ITSN1: variants seen among roughly 807,000 people sequenced by gnomAD.
The protein encoded by ITSN1 is intersectin-1.
A neutral mutation model predicts 239.8 loss-of-function variants in ITSN1; 58 were observed. That is an observed-to-expected ratio of 0.24 (90% CI 0.20 to 0.30). The LOEUF (loss-of-function observed/expected upper bound fraction) is 0.30. Among genes scored for constraint, ITSN1 ranks in the 10% least tolerant of loss-of-function variants. The pLI, the probability that ITSN1 is intolerant of heterozygous loss-of-function variation, is 1.00. For synonymous variants in ITSN1, 780 were observed against 770.8 expected (o/e 1.01, Z -0.20); for missense variants, 1,558 against 2,103.3 (o/e 0.74, Z 5.07).
At chr21:33,781,581 T>C (rs1406604450) in intron 15 of ITSN1, 33 bp downstream of exon 15, 9 of 1,237,796 alleles carry the variant, frequency 7.3e-6, no homozygotes, top group Non-Finnish European at 1.0e-5. Flanking sequence ...TGACCTTTTC[T>C]TTATTCTTTC....
chr21:33,670,658 G>A (rs1184617415), intron 1 of ITSN1, among the ~76,000 whole-genome samples: 4 of 152,108 alleles, frequency 2.6e-5, no homozygotes, highest in Non-Finnish European at 4.4e-5. Context: ...CTCTCTTTTT[G>A]TAGTAAGTCT....
intron 27 of ITSN1, among the ~76,000 whole-genome samples, chr21:33,833,550 T>C (rs1231011592): frequency 6.6e-6 from 1 of 152,206 alleles, no homozygotes; most frequent in Non-Finnish European, 1.5e-5. Flanking sequence ...TGTGCATAAA[T>C]GCACAGGGCC....
intron 1 of ITSN1, among the ~76,000 whole-genome samples, chr21:33,647,878 C>T (rs2088123919): frequency 6.6e-6 from 1 of 152,236 alleles, no homozygotes; most frequent in South Asian, 2.1e-4. Flanking sequence ...TATAACCCTG[C>T]AGTGACTGTC....
intron 7 of ITSN1, 86 bp downstream of exon 7, chr21:33,751,992 C>T (rs1040788162): frequency 1.1e-6 from 1 of 896,926 alleles, no homozygotes; most frequent in Non-Finnish European, 1.8e-6. Context: ...CATCTATATT[C>T]TTTTTGTTGT....
intron 29 of ITSN1, among the ~76,000 whole-genome samples, chr21:33,848,760 C>G (rs182265168): frequency 5.9e-4 from 90 of 152,336 alleles, no homozygotes; most frequent in African/African-American, 1.9e-3. Flanking sequence ...TGCACCTGCC[C>G]CCAGGGCTCC....
chr21:33,881,378 G>T (rs910906475), intron 34 of ITSN1, among the ~76,000 whole-genome samples: 6 of 144,932 alleles, frequency 4.1e-5, no homozygotes, highest in African/African-American at 1.6e-4. Flanking sequence ...CTGCACTCCA[G>T]CCTGGGCGAC....
At chr21:33,847,689 T>C (rs1402099202) in intron 29 of ITSN1, among the ~76,000 whole-genome samples, 1 of 152,162 alleles carries the variant, frequency 6.6e-6, no homozygotes, top group Admixed American at 6.5e-5. Context: ...GATGGCGTTC[T>C]GTGGTTACAG....
chr21:33,719,101 A>G (rs1362255353), intron 2 of ITSN1, among the ~76,000 whole-genome samples: 2 of 152,178 alleles, frequency 1.3e-5, no homozygotes, highest in Admixed American at 6.5e-5. Context: ...AAGATAAGAA[A>G]ACGTTTAAAG....
Position 33,659,705 on chromosome 21 carries a change from C to CTTT in ITSN1, c.-33+17015_-33+17017dup, listed in dbSNP as rs71194859. ...TCATGGACTAAGTCAGCAGCCTGTACTTTTTTTTTTTTTTTTTTTTTTTTT... is the reference window on the plus strand; with the variant it reads ...TCATGGACTAAGTCAGCAGCCTGTACTTTTTTTTTTTTTTTTTTTTTTTTTTTT... On this transcript the variant is annotated intron_variant, in intron 1 of 39. Transcript: ENST00000381318. 8.2e-3 allele frequency among the ~76,000 whole-genome samples: 625 copies of CTTT among 76,544 alleles called. 20 individuals carry two copies. The highest frequency in any genetic ancestry group is 0.039 in the Middle Eastern group (3 of 76). 50.2% of individuals were successfully genotyped at this position (76,544 alleles called of 152,430 possible).
chr21:33,753,320 C>T (rs1237419657), intron 7 of ITSN1, among the ~76,000 whole-genome samples: 2 of 152,200 alleles, frequency 1.3e-5, no homozygotes, highest in African/African-American at 4.8e-5. Flanking sequence ...TATTCAACCC[C>T]ATAGCTACCT....
intron 34 of ITSN1, among the ~76,000 whole-genome samples, chr21:33,881,727 T>A (rs1306066143): frequency 3.9e-5 from 6 of 152,030 alleles, no homozygotes; most frequent in African/African-American, 1.4e-4. Context: ...ACACCTGTAA[T>A]CCCAGTATTT....
At chr21:33,813,607 C>T (rs1286494771) in intron 21 of ITSN1, among the ~76,000 whole-genome samples, 1 of 152,134 alleles carries the variant, frequency 6.6e-6, no homozygotes, top group Non-Finnish European at 1.5e-5. Context: ...GCCACCTCGG[C>T]CTCCCACAGT....
intron 3 of ITSN1, chr21:33,721,953 G>T (rs1408355704): frequency 1.3e-5 from 2 of 149,348 alleles, no homozygotes; most frequent in Non-Finnish European, 3.0e-5. Flanking sequence ...TGTTACCCAG[G>T]CTGGAGTACA....
intron 1 of ITSN1, among the ~76,000 whole-genome samples, chr21:33,646,056 G>A (rs1215300988): frequency 3.3e-5 from 5 of 152,166 alleles, no homozygotes; most frequent in Admixed American, 2.6e-4. Flanking sequence ...ACATTGCAGC[G>A]AGGCCAATCT....
At chr21:33,655,603 TGGTA>T (rs2088985727) in intron 1 of ITSN1, among the ~76,000 whole-genome samples, 6 of 149,430 alleles carry the variant, frequency 4.0e-5, no homozygotes, top group Non-Finnish European at 7.4e-5. Flanking sequence ...TTTTTTTTTT[TGGTA>T]TTTTTAGTAG....
chr21:33,835,805 C>T (rs2074567002), intron 28 of ITSN1, among the ~76,000 whole-genome samples: 1 of 152,124 alleles, frequency 6.6e-6, no homozygotes. Flanking sequence ...GTGGTGCATG[C>T]CTGTAATCCC....
chr21:33,836,416 G>A lies in ITSN1; in HGVS notation c.3470-25G>A, dbSNP rs557886340. ...TGCATTCTCCGGCGGGTGTGCAGCCGCTCACCCAGCCCTGTCTCCTGCAGT... is the reference window on the plus strand; with the variant it reads ...TGCATTCTCCGGCGGGTGTGCAGCCACTCACCCAGCCCTGTCTCCTGCAGT... On this transcript the variant is annotated intron_variant, in intron 28 of 39. Transcript: ENST00000381318. 2.2e-5 allele frequency: 34 copies of A among 1,544,784 alleles called. No individual in the cohort carries two copies. The East Asian group carries it at 4.4e-4, about 20-fold the overall frequency.
chr21:33,830,770 CTG>C (rs1054524829), intron 27 of ITSN1, among the ~76,000 whole-genome samples: 3 of 151,976 alleles, frequency 2.0e-5, no homozygotes, highest in African/African-American at 7.3e-5. Flanking sequence ...AAAGCAATAA[CTG>C]TACTGTGGTT....
chr21:33,789,737 A>G (rs938881009), intron 16 of ITSN1, among the ~76,000 whole-genome samples: 2 of 152,242 alleles, frequency 1.3e-5, no homozygotes, highest in Non-Finnish European at 2.9e-5. Context: ...ATGAAGGAGA[A>G]ACAGTCACAG....
Sources: gnomAD v4.1 joint callset for allele counts (sites outside exome capture counted in the v4.1 genomes callset) on GRCh38, gnomAD v4.1.1 for gene constraint, MANE v1.5 for transcripts, NCBI Gene and HGNC (gene_info 2026-07-23, HGNC 2026-07-21) for gene names.